Variants in DRD1 observed in about 807,000 individuals in gnomAD.
DRD1 encodes the protein dopamine receptor D1, also known as D(1A) dopamine receptor.
A neutral mutation model predicts 23.8 loss-of-function variants in DRD1; 2 were observed. That is an observed-to-expected ratio of 0.08 (90% confidence interval 0.03 to 0.26). The LOEUF is 0.26. Among genes scored for constraint, DRD1 ranks in the 10% least tolerant of loss-of-function variants. The pLI, the probability that DRD1 is intolerant of heterozygous loss-of-function variation, is 1.00. For missense variants in DRD1, 376 were observed against 559.0 expected (o/e 0.67, Z 3.30); for synonymous variants, 218 against 225.7 (o/e 0.97, Z 0.30).
rs1758525682 is a variant in DRD1 at position 175,441,916 on chromosome 5, A to G, written c.1184T>C (p.Val395Ala). ...CNLVYLIPHA[V>A]GSSEDLKKEE... ...CTTTTTCAGGTCCTCAGAGGAGCCC[A>G]CAGCATGTGGGATCAGGTAAACCAG... The change falls in exon 2 of 2, where the codon GTG (valine) becomes GCG (alanine). Residue 395 changes from valine to alanine, a missense_variant. Physicochemically the swap from Val to Ala is moderately conservative, Grantham distance 64. Transcript: ENST00000393752. The G allele has an allele frequency of 6.2e-7, 1 of 1,614,064 alleles. No individual in the cohort carries two copies. The highest frequency in any genetic ancestry group is 8.5e-7 in the Non-Finnish European group (1 of 1,180,030).
chr5:175,440,700 A>G lies in DRD1; in HGVS notation c.*1059T>C, dbSNP rs557947365. On this transcript the variant is annotated 3_prime_UTR_variant, in exon 2 of 2. Coordinates refer to ENST00000393752, the MANE Select transcript of DRD1 (RefSeq NM_000794.5). ...GAAAAACTACCTGACACATGAAATG[A>G]GAAAAGATGGAGAGGGCCAATTATT... 58 of 152,784 alleles carry G rather than the reference A, an allele frequency of 3.8e-4. 2 individuals carry two copies. In the Middle Eastern group the frequency reaches 0.027, roughly 72 times the overall value. 9.5% of individuals were successfully genotyped at this position (152,784 alleles called of 1,614,324 possible). A position where few individuals can be genotyped will look rare whatever the true frequency, so the allele number is the denominator to read the frequency against.
chr5:175,441,768 G>A lies in DRD1; in HGVS notation c.1332C>T (p.His444=), dbSNP rs762930285. 1 of 1,577,112 alleles carries A rather than the reference G, an allele frequency of 6.3e-7. No individual in the cohort carries two copies. Among genetic ancestry groups the A allele is most frequent in the Admixed American group, 1.8e-5 (1 of 56,694 alleles). ...KIQPITQNGQ[H]PT ...GGATTCATCTGCGAGTTCAGGTTGG[G>A]TGCTGACCGTTTTGTGTGATGGGTT... is the stretch of plus-strand genomic sequence containing the variant. Residue 444 remains histidine, a synonymous_variant, in exon 2 of 2, where the codon CAC becomes CAT. Transcript: ENST00000393752.
chr5:175,441,790 G>C lies in DRD1; in HGVS notation c.1310C>G (p.Pro437Arg). The C allele has an allele frequency of 6.3e-7, 1 of 1,595,438 alleles. No homozygotes were observed. The highest frequency in any genetic ancestry group is 8.6e-7 in the Non-Finnish European group (1 of 1,169,302). ...TGGGTGCTGACCGTTTTGTGTGATG[G>C]GTTGGATCTTCTCCAGAGAGACGTC... ...DTDVSLEKIQ[P>R]ITQNGQHPT The change falls in exon 2 of 2, where the codon CCC (proline) becomes CGC (arginine). Residue 437 changes from proline (P) to arginine (R), a missense_variant. Around this residue, in one of 5 missense-constraint regions of DRD1, gnomAD observed 117 missense variants for 126.9 expected, o/e 0.92. Transcript: ENST00000393752.
At position 175,440,717 on chromosome 5, in the gene DRD1, C is replaced by A. The variant is rs1358089182; in HGVS notation, c.*1042G>T. 1 of 152,550 alleles carries A rather than the reference C, an allele frequency of 6.6e-6. No individual in the cohort carries two copies. The highest frequency in any genetic ancestry group is 1.5e-5 in the Non-Finnish European group (1 of 68,034). The allele number at this position is 152,550 out of a possible 1,614,324, so 9.4% of individuals were successfully genotyped here. ...ATGAAATGAGAAAAGATGGAGAGGG[C>A]CAATTATTTTACATAAATACAAAGC... On this transcript the variant is annotated 3_prime_UTR_variant, in exon 2 of 2. Coordinates refer to ENST00000393752, the MANE Select transcript of DRD1 (RefSeq NM_000794.5).
Position 175,443,355 on chromosome 5 carries a change from C to T in DRD1, c.-256G>A, listed in dbSNP as rs111805057. 651 of 538,690 alleles carry T rather than the reference C, an allele frequency of 1.2e-3. 3 individuals are homozygous for T. Among genetic ancestry groups the T allele is most frequent in the African/African-American group, 0.01 (535 of 53,090 alleles). The allele number at this position is 538,690 out of a possible 1,614,324, so 33.4% of individuals were successfully genotyped here. On this transcript the variant is annotated 5_prime_UTR_variant, in exon 2 of 2. Coordinates refer to ENST00000393752, the MANE Select transcript of DRD1 (RefSeq NM_000794.5). The stretch of plus-strand genomic sequence containing the variant: ...CCTTGCTGCAGGTCACTGTCTTGGG[C>T]ACCAGAAAGCCCCTGAATTCCCCAA...
chr5:175,442,935 C>A lies in DRD1; in HGVS notation c.165G>T (p.Arg55=). Residue 55 remains arginine (R), a synonymous_variant, in exon 2 of 2, where the codon CGG becomes CGT. Transcript: ENST00000393752. The surrounding 1 kb of genome is among the most constrained non-coding windows in gnomAD (Gnocchi z 7.3). ...CAAVIRFRHL[R]SKVTNFFVIS... is the part of the protein sequence containing the mutation. ...TGACAAAGAAGTTGGTCACCTTGGACCGCAGGTGTCGGAACCTGATAACGG... is the reference window on the plus strand; with the variant it reads ...TGACAAAGAAGTTGGTCACCTTGGAACGCAGGTGTCGGAACCTGATAACGG... 1 of 1,614,004 alleles carries A rather than the reference C, an allele frequency of 6.2e-7. No homozygotes were observed. The highest frequency in any genetic ancestry group is 8.5e-7 in the Non-Finnish European group (1 of 1,180,014).
In DRD1 at chr5:175,442,698, C is replaced by T. The variant is rs765151364; in HGVS notation, c.402G>A (p.Lys134=). The change falls in exon 2 of 2, where the codon AAG becomes AAA. Residue 134 remains lysine, a synonymous_variant. Transcript: ENST00000393752. The surrounding 1 kb of genome is among the most constrained non-coding windows in gnomAD (Gnocchi z 7.3). ...AISSPFRYER[K]MTPKAAFILI... is the part of the protein sequence containing the mutation. ...GGATGAAGGCTGCCTTGGGGGTCATCTTTCTCTCATACCGGAAAGGGCTGG... is the reference window on the plus strand; with the variant it reads ...GGATGAAGGCTGCCTTGGGGGTCATTTTTCTCTCATACCGGAAAGGGCTGG... The T allele has an allele frequency of 6.2e-7, 1 of 1,614,120 alleles. No individual in the cohort carries two copies. The highest frequency in any genetic ancestry group is 1.7e-5 in the Admixed American group (1 of 60,018).
chr5:175,441,696 AG>A lies in DRD1; in HGVS notation c.*62del. 6.7e-7 allele frequency: 1 copy of A among 1,502,496 alleles called. No individual in the cohort carries two copies. The highest frequency in any genetic ancestry group is 8.8e-7 in the Non-Finnish European group (1 of 1,131,444). The allele number at this position is 1,502,496 out of a possible 1,614,324, so 93.1% of individuals were successfully genotyped here. A position where few individuals can be genotyped will look rare whatever the true frequency, so the allele number is the denominator to read the frequency against. On this transcript the variant is annotated 3_prime_UTR_variant, in exon 2 of 2. Coordinates refer to ENST00000393752, the MANE Select transcript of DRD1 (RefSeq NM_000794.5). Reference sequence around the variant, plus strand: ...ACCGTACCTTAGTTTCTTAATAGCAAGCCCCAGAGCAATCTCCTCTAGCTTT... The same window carrying A: ...ACCGTACCTTAGTTTCTTAATAGCAACCCCAGAGCAATCTCCTCTAGCTTT...
Position 175,442,464 on chromosome 5 carries a change from G to T in DRD1, c.636C>A (p.Val212=). The T allele has an allele frequency of 6.2e-7, 1 of 1,614,148 alleles. No homozygotes were observed. The highest frequency in any genetic ancestry group is 8.5e-7 in the Non-Finnish European group (1 of 1,180,040). The part of the protein sequence containing the change: ...SFYIPVAIMI[V]TYTRIYRIAQ... ...CAATCCTGTAGATCCTGGTGTAGGT[G>T]ACAATCATGATGGCCACAGGGATGT... Residue 212 remains valine, a synonymous_variant, in exon 2 of 2, where the codon GTC becomes GTA. Transcript: ENST00000393752. This position sits in a 1 kb window ranked among gnomAD's most constrained non-coding sequence, Gnocchi z 7.3.
Position 175,442,482 on chromosome 5 carries a change from A to C in DRD1, c.618T>G (p.Pro206=). 6.2e-7 allele frequency: 1 copy of C among 1,614,218 alleles called. No homozygotes were observed. Among genetic ancestry groups the C allele is most frequent in the Non-Finnish European group, 8.5e-7 (1 of 1,180,038 alleles). The part of the protein sequence containing the change: ...ISSSVISFYI[P]VAIMIVTYTR... ...TGTAGGTGACAATCATGATGGCCAC[A>C]GGGATGTAAAAGCTTATTACAGAGG... is the stretch of plus-strand genomic sequence containing the variant. The change falls in exon 2 of 2, where the codon CCT becomes CCG. Residue 206 remains proline (P), a synonymous_variant. Transcript: ENST00000393752. This position sits in a 1 kb window ranked among gnomAD's most constrained non-coding sequence, Gnocchi z 7.3.
Position 175,442,973 on chromosome 5 carries a change from G to A in DRD1, c.127C>T (p.Leu43=), listed in dbSNP as rs554208539. The A allele has an allele frequency of 5.6e-5, 90 of 1,614,106 alleles. No homozygotes were observed. In the South Asian group the frequency reaches 9.6e-4, roughly 17 times the overall value. The change falls in exon 2 of 2, where the codon CTG becomes TTG. Residue 43 remains leucine, a synonymous_variant. Transcript: ENST00000393752. This position sits in a 1 kb window ranked among gnomAD's most constrained non-coding sequence, Gnocchi z 7.3. ...AACCTGATAACGGCAGCACAGACCA[G>A]CGTGTTCCCCAGGAGCGTGGACAGG... is the stretch of plus-strand genomic sequence containing the variant. ...LILSTLLGNT[L]VCAAVIRFRH... is the part of the protein sequence containing the mutation.
At position 175,441,871 on chromosome 5, in the gene DRD1, G is replaced by A; in HGVS notation, c.1229C>T (p.Ala410Val). Residue 410 changes from alanine to valine, a missense_variant, in exon 2 of 2, where the codon GCC becomes GTC. Ala to Val is a moderately conservative substitution (Grantham distance 64, BLOSUM62 0). This residue lies in a region of DRD1 where 117 missense variants were observed against 126.9 expected (regional missense o/e 0.92). Transcript: ENST00000393752. ...TGGGGACAGCTTCTCCAAGGGTCTG[G>A]CGATGCCAGCTGCCTCCTCCTTTTT... ...DLKKEEAAGI[A>V]RPLEKLSPAL... is the part of the protein sequence containing the mutation. The A allele has an allele frequency of 6.2e-7, 1 of 1,614,124 alleles. No individual in the cohort carries two copies. Among genetic ancestry groups the A allele is most frequent in the Non-Finnish European group, 8.5e-7 (1 of 1,180,032 alleles).
Position 175,442,372 on chromosome 5 carries a change from G to T in DRD1, c.728C>A (p.Thr243Asn). The change falls in exon 2 of 2, where the codon ACC becomes AAC. Residue 243 changes from threonine to asparagine, a missense_variant. By Grantham distance (65) the Thr-to-Asn change is moderately conservative. Transcript: ENST00000393752. This position sits in a 1 kb window ranked among gnomAD's most constrained non-coding sequence, Gnocchi z 7.3. ...RAAVHAKNCQ[T>N]TTGNGKPVEC... is the part of the protein sequence containing the mutation. ...GACAGGCTTTCCATTACCTGTGGTGGTCTGGCAATTCTTGGCGTGGACTGC... is the reference window on the plus strand; with the variant it reads ...GACAGGCTTTCCATTACCTGTGGTGTTCTGGCAATTCTTGGCGTGGACTGC... 6.2e-7 allele frequency: 1 copy of T among 1,614,152 alleles called. No homozygotes were observed. Among genetic ancestry groups the T allele is most frequent in the Non-Finnish European group, 8.5e-7 (1 of 1,180,038 alleles).
Position 175,441,173 on chromosome 5 carries a change from G to T in DRD1, c.*586C>A, listed in dbSNP as rs1286368025. On this transcript the variant is annotated 3_prime_UTR_variant, in exon 2 of 2. Transcript: ENST00000393752. ...CTCATTAATTTATCCTATTAAATAT[G>T]ATAAATATATATTTATTATATCATA... is the stretch of plus-strand genomic sequence containing the variant. The T allele has an allele frequency of 1.3e-5, 2 of 151,270 alleles. No individual in the cohort carries two copies. Among genetic ancestry groups the T allele is most frequent in the Non-Finnish European group, 2.9e-5 (2 of 67,798 alleles). 9.4% of individuals were successfully genotyped at this position (151,270 alleles called of 1,614,324 possible).
Position 175,441,701 on chromosome 5 carries a change from C to A in DRD1, c.*58G>T. The A allele has an allele frequency of 6.6e-7, 1 of 1,509,674 alleles. No individual in the cohort carries two copies. Among genetic ancestry groups the A allele is most frequent in the Non-Finnish European group, 8.8e-7 (1 of 1,134,482 alleles). 93.5% of individuals were successfully genotyped at this position (1,509,674 alleles called of 1,614,324 possible). On this transcript the variant is annotated 3_prime_UTR_variant, in exon 2 of 2. Coordinates refer to ENST00000393752, the MANE Select transcript of DRD1 (RefSeq NM_000794.5). ...ACCTTAGTTTCTTAATAGCAAGCCC[C>A]AGAGCAATCTCCTCTAGCTTTTGGG... is the stretch of plus-strand genomic sequence containing the variant.
rs1758558760 is a variant in DRD1, at chr5:175,443,348, T to G, written c.-249A>C. The stretch of plus-strand genomic sequence containing the variant: ...CTGACTCCCTTGCTGCAGGTCACTG[T>G]CTTGGGCACCAGAAAGCCCCTGAAT... On this transcript the variant is annotated 5_prime_UTR_variant, in exon 2 of 2. Coordinates refer to ENST00000393752, the MANE Select transcript of DRD1 (RefSeq NM_000794.5). The G allele has an allele frequency of 1.8e-6, 1 of 554,484 alleles. No homozygotes were observed. Among genetic ancestry groups the G allele is most frequent in the East Asian group, 3.0e-5 (1 of 33,248 alleles). The allele number at this position is 554,484 out of a possible 1,614,324, so 34.3% of individuals were successfully genotyped here. A position where few individuals can be genotyped will look rare whatever the true frequency, so the allele number is the denominator to read the frequency against.
Position 175,441,157 on chromosome 5 carries a change from T to G in DRD1, c.*602A>C, listed in dbSNP as rs1758512846. ...AAGGTCTTGGATAAAACTCATTAATTTATCCTATTAAATATGATAAATATA... is the reference window on the plus strand; with the variant it reads ...AAGGTCTTGGATAAAACTCATTAATGTATCCTATTAAATATGATAAATATA... On this transcript the variant is annotated 3_prime_UTR_variant, in exon 2 of 2. Transcript: ENST00000393752. The G allele has an allele frequency of 6.6e-6, 1 of 152,098 alleles. No homozygotes were observed. Among genetic ancestry groups the G allele is most frequent in the Non-Finnish European group, 1.5e-5 (1 of 67,928 alleles). 9.4% of individuals were successfully genotyped at this position (152,098 alleles called of 1,614,324 possible). A position where few individuals can be genotyped will look rare whatever the true frequency, so the allele number is the denominator to read the frequency against.
chr5:175,443,043 G>T lies in DRD1; in HGVS notation c.57C>A (p.Asp19Glu), dbSNP rs750719811. The T allele has an allele frequency of 3.1e-6, 5 of 1,614,200 alleles. No individual in the cohort carries two copies. The highest frequency in any genetic ancestry group is 3.4e-6 in the Non-Finnish European group (4 of 1,180,036). Residue 19 changes from aspartate (D) to glutamate (E), a missense_variant, in exon 2 of 2, where the codon GAC (aspartate) becomes GAA (glutamate). By Grantham distance (45) the Asp-to-Glu change is conservative. This residue lies in a region of DRD1 where 47 missense variants were observed against 39.4 expected (regional missense o/e 1.19). Transcript: ENST00000393752. Reference protein sequence around the residue: ...MDGTGLVVERDFSVRILTACF... With the variant: ...MDGTGLVVEREFSVRILTACF... ...AGGCAGTGAGGATACGAACAGAGAAGTCCCTCTCCACCACCAGCCCAGTCC... is the reference window on the plus strand; with the variant it reads ...AGGCAGTGAGGATACGAACAGAGAATTCCCTCTCCACCACCAGCCCAGTCC...
rs56000379 is a variant in DRD1 at position 175,443,959 on chromosome 5, C to T, written c.-744G>A. On this transcript the variant is annotated 5_prime_UTR_variant, in exon 1 of 2. Transcript: ENST00000393752. ...GGGCACTAGACCCCGGCTAAGGGCT[C>T]CTGGGCGCTCGGAGCTTCCTTGGGA... is the stretch of plus-strand genomic sequence containing the variant. The T allele has an allele frequency of 0.011, 1,658 of 152,572 alleles. 16 individuals carry two copies. The highest frequency in any genetic ancestry group is 0.018 in the Non-Finnish European group (1,198 of 68,230). 9.5% of individuals were successfully genotyped at this position (152,572 alleles called of 1,614,324 possible).
Sources: allele counts gnomAD v4.1 joint callset, GRCh38; gene constraint gnomAD v4.1.1; regional missense constraint gnomAD v4.1.1; non-coding constraint Gnocchi (gnomAD v3.1); transcripts MANE v1.5; gene names NCBI Gene and HGNC (gene_info 2026-07-23, HGNC 2026-07-21).